EHMT1: variants seen among roughly 807,000 people sequenced by gnomAD.
EHMT1 encodes the protein histone-lysine N-methyltransferase EHMT1.
EHMT1 carries 15 observed loss-of-function variants against 147.2 expected under a neutral mutation model. The ratio of observed to expected loss-of-function variants is 0.10; its 90% CI spans 0.07 to 0.16. EHMT1 has a LOEUF of 0.16. Among genes scored for constraint, EHMT1 ranks in the 10% least tolerant of loss-of-function variants. The pLI, the probability that EHMT1 is intolerant of heterozygous loss-of-function variation, is 1.00. For missense variants in EHMT1, 1,587 were observed against 1,772.4 expected (o/e 0.90, Z 1.88); for synonymous variants, 795 against 709.6 (o/e 1.12, Z -1.91).
intron 1 of EHMT1, among the ~76,000 whole-genome samples, chr9:137,625,959 G>C (rs1392176335): frequency 6.6e-6 from 1 of 150,760 alleles, no homozygotes; most frequent in Admixed American, 6.6e-5. Flanking sequence ...GGGTTCAAGT[G>C]ATTCTCCTGC....
intron 1 of EHMT1, among the ~76,000 whole-genome samples, chr9:137,623,026 C>T (rs1843030535): frequency 6.6e-6 from 1 of 151,314 alleles, no homozygotes; most frequent in Admixed American, 6.6e-5. Context: ...CTGGCTAACA[C>T]ACAGTGAAAC....
At position 137,716,983 on chromosome 9, in the gene EHMT1, C is replaced by T. The variant is rs1945383719; in HGVS notation, c.443C>T (p.Pro148Leu). ...ACCAGCACTCTGGCCTCTTCGCTGC[C>T]TGGCCATGCTGCAAAAACCCTTCCT... ...RTTSTLASSL[P>L]GHAAKTLPGG... The change falls in exon 3 of 27, where the codon CCT becomes CTT. Residue 148 changes from proline (P) to leucine (L), a missense_variant. Around this residue, in one of 7 missense-constraint regions of EHMT1, gnomAD observed 810 missense variants for 673.0 expected, o/e 1.20. Transcript: ENST00000460843. 2 of 1,609,778 alleles carry T rather than the reference C, an allele frequency of 1.2e-6. No individual in the cohort carries two copies. The highest frequency in any genetic ancestry group is 8.5e-7 in the Non-Finnish European group (1 of 1,177,288).
intron 16 of EHMT1, among the ~76,000 whole-genome samples, chr9:137,791,582 A>T (rs1263562546): frequency 6.6e-6 from 1 of 152,334 alleles, no homozygotes; most frequent in East Asian, 1.9e-4. Context: ...TTGTTAGTTG[A>T]AAACTAACAA....
chr9:137,656,105 C>T (rs781145022), intron 1 of EHMT1, among the ~76,000 whole-genome samples: 1 of 152,126 alleles, frequency 6.6e-6, no homozygotes, highest in African/African-American at 2.4e-5. Flanking sequence ...TATGGCTGGG[C>T]GCAGTGGCTC....
intron 4 of EHMT1, among the ~76,000 whole-genome samples, chr9:137,737,351 C>CTT (rs1031451889): frequency 1.3e-5 from 2 of 152,126 alleles, no homozygotes; most frequent in African/African-American, 4.8e-5. Flanking sequence ...AGAAATAAAC[C>CTT]TTTGTGTTAT....
chr9:137,813,186 C>G lies in EHMT1; in HGVS notation c.3035+13C>G. On this transcript the variant is annotated intron_variant, in intron 20 of 26. Coordinates refer to ENST00000460843, the MANE Select transcript of EHMT1 (RefSeq NM_024757.5). The surrounding 1 kb of genome is among the most constrained non-coding windows in gnomAD (Gnocchi z 4.9). ...GGATAGTGAGCAGGTGAGCCCAGCC[C>G]CAGGACGGCTTTGTGGCAAATCAGC... 6.2e-7 allele frequency: 1 copy of G among 1,606,700 alleles called. No individual in the cohort carries two copies. The highest frequency in any genetic ancestry group is 1.1e-5 in the South Asian group (1 of 91,062).
intron 23 of EHMT1, 121 bp downstream of exon 23, chr9:137,816,183 G>C (rs2132762950): frequency 1.1e-6 from 1 of 889,246 alleles, no homozygotes; most frequent in Non-Finnish European, 1.8e-6. Context: ...TGTGTTTGCA[G>C]ATAGAGCCGA....
intron 1 of EHMT1, among the ~76,000 whole-genome samples, chr9:137,692,431 G>A (rs1423687075): frequency 1.3e-5 from 2 of 151,700 alleles, no homozygotes; most frequent in African/African-American, 4.8e-5. Context: ...CGCCGGGCTA[G>A]TGTTTGTATT....
At chr9:137,623,191 C>T (rs1279924767) in intron 1 of EHMT1, among the ~76,000 whole-genome samples, 5 of 146,236 alleles carry the variant, frequency 3.4e-5, no homozygotes, top group Admixed American at 1.4e-4. Flanking sequence ...CCAGCCTGGG[C>T]GACAGAGCAA....
chr9:137,627,078 A>G (rs1288841685), intron 1 of EHMT1, among the ~76,000 whole-genome samples: 4 of 150,950 alleles, frequency 2.6e-5, no homozygotes, highest in Non-Finnish European at 4.4e-5. Context: ...CTGCCTTCGC[A>G]CCCCCTAGTA....
chr9:137,673,266 C>G (rs1016580349), intron 1 of EHMT1, among the ~76,000 whole-genome samples: 2 of 152,162 alleles, frequency 1.3e-5, no homozygotes, highest in South Asian at 4.1e-4. Context: ...TGGCCTGGAC[C>G]AAGTCCCCAG....
At chr9:137,663,628 G>A (rs907621847) in intron 1 of EHMT1, among the ~76,000 whole-genome samples, 2 of 152,204 alleles carry the variant, frequency 1.3e-5, no homozygotes, top group Non-Finnish European at 2.9e-5. Context: ...CCAAAAAGAT[G>A]TTTGTGCACA....
intron 3 of EHMT1, among the ~76,000 whole-genome samples, chr9:137,723,644 C>G (rs896991164): frequency 6.6e-6 from 1 of 152,172 alleles, no homozygotes; most frequent in African/African-American, 2.4e-5. Context: ...CCGTGTCTGT[C>G]TGGGCCTGTG....
At chr9:137,726,194 G>T (rs1378353301) in intron 3 of EHMT1, among the ~76,000 whole-genome samples, 1 of 152,120 alleles carries the variant, frequency 6.6e-6, no homozygotes, top group African/African-American at 2.4e-5. Context: ...TCACGCTGCC[G>T]TGCAGCCATC....
At chr9:137,752,234 T>G in intron 6 of EHMT1, 97 bp from the exon 7 acceptor site, 1 of 1,421,254 alleles carries the variant, frequency 7.0e-7, no homozygotes, top group Non-Finnish European at 9.8e-7. Flanking sequence ...CCAGTGCCCG[T>G]TTCGAGGTTT....
chr9:137,738,520 T>TCCAGCAGTTCCACTGCTGGGCACGTGCC (rs1947756073), intron 4 of EHMT1: 2 of 152,166 alleles, frequency 1.3e-5, no homozygotes, highest in Non-Finnish European at 2.9e-5. Context: ...TACCATGTGA[T>TCCAGCAGTTCCACTGCTGGGCACGTGCC]CCAGCAGTTC....
Position 137,803,288 on chromosome 9 carries a change from C to T in EHMT1, c.2712+2304C>T, listed in dbSNP as rs1256810276. 6 of 1,010,236 alleles carry T rather than the reference C, an allele frequency of 5.9e-6. No homozygotes were observed. The African/African-American group carries it at 6.8e-5, about 12-fold the overall frequency. The allele number at this position is 1,010,236 out of a possible 1,614,324, so 62.6% of individuals were successfully genotyped here. A position where few individuals can be genotyped will look rare whatever the true frequency, so the allele number is the denominator to read the frequency against. The stretch of plus-strand genomic sequence containing the variant: ...AGTACACACTTGGGTGAATTTTCAC[C>T]CAGAAGCCATTGTTGCTGTCGGAAG... On this transcript the variant is annotated intron_variant, in intron 18 of 26. Coordinates refer to ENST00000460843, the MANE Select transcript of EHMT1 (RefSeq NM_024757.5).
intron 4 of EHMT1, among the ~76,000 whole-genome samples, chr9:137,741,638 A>C (rs986513896): frequency 3.3e-5 from 5 of 152,230 alleles, no homozygotes; most frequent in Admixed American, 2.0e-4. Context: ...GGGTATATGC[A>C]GAGATTGGCT....
intron 4 of EHMT1, among the ~76,000 whole-genome samples, chr9:137,738,230 A>AC (rs34691278): frequency 0.05 from 7,508 of 151,640 alleles, 624 homozygotes; most frequent in African/African-American, 0.17. Flanking sequence ...AACAAAAAAA[A>AC]CCCAAAAAAG....
Sources: gnomAD v4.1 joint callset for allele counts (sites outside exome capture counted in the v4.1 genomes callset) on GRCh38, gnomAD v4.1.1 for gene constraint, gnomAD v4.1.1 regional missense constraint, Gnocchi (gnomAD v3.1) non-coding constraint, MANE v1.5 for transcripts, NCBI Gene and HGNC (gene_info 2026-07-23, HGNC 2026-07-21) for gene names.